EPB41L4A: variants seen among roughly 807,000 people sequenced by gnomAD.
EPB41L4A encodes band 4.1-like protein 4A.
Under a neutral mutation model 108.6 loss-of-function variants are expected in EPB41L4A, and 100 were observed. That is an observed-to-expected ratio of 0.92 (90% CI 0.78 to 1.09). The LOEUF (loss-of-function observed/expected upper bound fraction) is 1.09, where lower values mean the gene tolerates loss of function less well. Among genes scored for constraint, EPB41L4A ranks in the 50% least tolerant of loss-of-function variants. The probability of loss-of-function intolerance (pLI) is 0.00; values close to 1 mark genes in which losing one functional copy is unlikely to be tolerated. For synonymous variants in EPB41L4A, 319 were observed against 289.0 expected (o/e 1.10, Z -1.05); for missense variants, 1,030 against 842.7 (o/e 1.22, Z -2.75).
intron 1 of EPB41L4A, among the ~76,000 whole-genome samples, chr5:112,357,514 G>A (rs777699616): frequency 1.1e-4 from 17 of 152,200 alleles, no homozygotes; most frequent in Non-Finnish European, 2.2e-4. Flanking sequence ...AAGACCAGGT[G>A]CCTGGAAAGG....
At chr5:112,361,431 A>T (rs898526636) in intron 1 of EPB41L4A, among the ~76,000 whole-genome samples, 8 of 151,690 alleles carry the variant, frequency 5.3e-5, no homozygotes, top group Non-Finnish European at 8.8e-5. Context: ...CTTTGTTCAC[A>T]TGTTTATCTG....
chr5:112,390,223 G>A (rs1760843762), intron 1 of EPB41L4A, among the ~76,000 whole-genome samples: 1 of 152,212 alleles, frequency 6.6e-6, no homozygotes, highest in Admixed American at 6.5e-5. Flanking sequence ...CACAGAGGGT[G>A]AGCCAAAGCA....
At chr5:112,216,966 T>A (rs1747685500) in intron 12 of EPB41L4A, among the ~76,000 whole-genome samples, 1 of 152,104 alleles carries the variant, frequency 6.6e-6, no homozygotes. Flanking sequence ...AATTTTCCTA[T>A]CATCATGGAA....
At chr5:112,403,016 AC>A (rs148964813) in intron 1 of EPB41L4A, among the ~76,000 whole-genome samples, 14,416 of 151,826 alleles carry the variant, frequency 0.095, 2,225 homozygotes, top group African/African-American at 0.32. Flanking sequence ...ACACACACAC[AC>A]ACAAAACCCT....
chr5:112,187,862 C>T (rs1761503716), intron 17 of EPB41L4A, among the ~76,000 whole-genome samples: 1 of 152,136 alleles, frequency 6.6e-6, no homozygotes, highest in African/African-American at 2.4e-5. Flanking sequence ...TGATACAAGC[C>T]ATAAACATTG....
At chr5:112,145,158 C>T (rs1759203235) in intron 13 of EPB41L4A, among the ~76,000 whole-genome samples, 1 of 152,112 alleles carries the variant, frequency 6.6e-6, no homozygotes, top group African/African-American at 2.4e-5. Context: ...GGCGTGGTGG[C>T]ACAAACCTGT....
chr5:112,384,542 A>G (rs1760376951), intron 1 of EPB41L4A, among the ~76,000 whole-genome samples: 1 of 152,124 alleles, frequency 6.6e-6, no homozygotes, highest in Non-Finnish European at 1.5e-5. Context: ...TTTCTGCCGC[A>G]GCCAAACACA....
At chr5:112,227,030 CAT>C (rs1748509750) in intron 12 of EPB41L4A, among the ~76,000 whole-genome samples, 1 of 147,872 alleles carries the variant, frequency 6.8e-6, no homozygotes, top group Admixed American at 6.7e-5. Flanking sequence ...AGAGTAGAAA[CAT>C]AGTAAGAAAG....
exon 13 of EPB41L4A, chr5:112,145,954 A>T (rs1350716109): frequency 2.2e-6 from 1 of 456,606 alleles, no homozygotes; most frequent in East Asian, 6.9e-5. Context: ...TCAAACTCAG[A>T]TTTCCAAGTT....
At chr5:112,274,800 C>T (rs969929736) in intron 4 of EPB41L4A, among the ~76,000 whole-genome samples, 3 of 152,126 alleles carry the variant, frequency 2.0e-5, no homozygotes, top group Non-Finnish European at 4.4e-5. Context: ...TTACTAATAT[C>T]AAATATTTGG....
intron 1 of EPB41L4A, 146 bp downstream of exon 1, chr5:112,418,795 C>T (rs75573989): frequency 0.01 from 6,094 of 587,682 alleles, 299 homozygotes; most frequent in African/African-American, 0.1. Context: ...CACCCTCTCC[C>T]TGCGCGCAGG....
intron 12 of EPB41L4A, among the ~76,000 whole-genome samples, chr5:112,217,332 T>G (rs1488991086): frequency 6.6e-6 from 1 of 152,208 alleles, no homozygotes; most frequent in Non-Finnish European, 1.5e-5. Context: ...AATAAAGATG[T>G]TTCTGCATCC....
chr5:112,352,927 TACAGTA>T (rs1758135515), intron 1 of EPB41L4A, among the ~76,000 whole-genome samples: 1 of 152,224 alleles, frequency 6.6e-6, no homozygotes, highest in South Asian at 2.1e-4. Context: ...TCTGCACACC[TACAGTA>T]ACAGCTTCTT....
At chr5:112,262,413 C>T in intron 7 of EPB41L4A, 81 bp downstream of exon 7, 2 of 1,169,656 alleles carry the variant, frequency 1.7e-6, no homozygotes, top group African/African-American at 3.0e-5. Flanking sequence ...AGGACTGCAG[C>T]TTTCCTTTGG....
chr5:112,159,100 C>A (rs1022872992), downstream of EPB41L4A, among the ~76,000 whole-genome samples: 3 of 152,106 alleles, frequency 2.0e-5, no homozygotes, highest in Non-Finnish European at 4.4e-5. Flanking sequence ...GTCATTTTCT[C>A]CAGATTGATT....
chr5:112,195,763 G>A (rs1008246804), intron 15 of EPB41L4A, 55 bp from the exon 16 acceptor site: 1 of 1,477,794 alleles, frequency 6.8e-7, no homozygotes, highest in Non-Finnish European at 9.4e-7. Context: ...ATTGGCTAAG[G>A]AAAGCACACC....
chr5:112,369,211 T>G lies in EPB41L4A; in HGVS notation c.99+49730A>C, dbSNP rs541082296. ...CAGTCATTACCAAACCTTACAAGTT[T>G]TACCTCCTAAATGCTTTTGACATCA... On this transcript the variant is annotated intron_variant, in intron 1 of 22. Transcript: ENST00000261486. Among the ~76,000 whole-genome samples the G allele has an allele frequency of 6.4e-4, 97 of 152,286 alleles. 1 individual carries two copies. Among genetic ancestry groups the G allele is most frequent in the African/African-American group, 2.2e-3 (93 of 41,568 alleles).
At chr5:112,238,393 CT>C (rs1202055334) in intron 11 of EPB41L4A, among the ~76,000 whole-genome samples, 7 of 152,104 alleles carry the variant, frequency 4.6e-5, no homozygotes, top group African/African-American at 1.7e-4. Flanking sequence ...TACAATGACA[CT>C]TAAGTATTTT....
chr5:112,399,057 G>A (rs1452308928), intron 1 of EPB41L4A, among the ~76,000 whole-genome samples: 1 of 152,086 alleles, frequency 6.6e-6, no homozygotes, highest in Non-Finnish European at 1.5e-5. Context: ...GCGGAGCGGT[G>A]AATCCATCAC....
Sources: allele counts gnomAD v4.1 joint callset (sites outside exome capture counted in the v4.1 genomes callset), GRCh38; gene constraint gnomAD v4.1.1; transcripts MANE v1.5; gene names NCBI Gene and HGNC (gene_info 2026-07-23, HGNC 2026-07-21).